The following ST3GAL3 variants were observed in gnomAD, a reference collection of about 807,000 sequenced individuals.
ST3GAL3 encodes the protein CMP-N-acetylneuraminate-beta-1,4-galactoside alpha-2,3-sialyltransferase.
Under a neutral mutation model 50.1 loss-of-function variants are expected in ST3GAL3, and 21 were observed. The observed-to-expected ratio is 0.42, with a 90% CI of 0.30 to 0.60. The LOEUF is 0.60. Ranked by LOEUF, ST3GAL3 falls within the 20% of genes least tolerant of loss-of-function variation. The pLI is 0.19. For missense variants in ST3GAL3, 353 were observed against 489.4 expected (o/e 0.72, Z 2.63); for synonymous variants, 183 against 190.0 (o/e 0.96, Z 0.30).
At chr1:43,770,913 C>T (rs989595711) in intron 2 of ST3GAL3, among the ~76,000 whole-genome samples, 2 of 152,190 alleles carry the variant, frequency 1.3e-5, no homozygotes, top group Non-Finnish European at 2.9e-5. Flanking sequence ...TCAGATAATC[C>T]AGAACGTCCT....
chr1:43,907,847 A>G (rs977357581), intron 9 of ST3GAL3, among the ~76,000 whole-genome samples: 2 of 151,570 alleles, frequency 1.3e-5, no homozygotes, highest in Non-Finnish European at 2.9e-5. Context: ...GCTTATGTTC[A>G]CCTCTCTTCT....
intron 9 of ST3GAL3, chr1:43,912,609 G>GC (rs564608755): frequency 1.4e-3 from 218 of 152,356 alleles, no homozygotes; most frequent in African/African-American, 4.9e-3. Flanking sequence ...TAAGGCAGTA[G>GC]CAGCAGGGAG....
intron 1 of ST3GAL3, among the ~76,000 whole-genome samples, chr1:43,734,814 A>AT (rs1227826277): frequency 4.6e-5 from 7 of 151,706 alleles, no homozygotes; most frequent in African/African-American, 1.7e-4. Flanking sequence ...TTTATACATC[A>AT]TTTTTTTCTC....
intron 5 of ST3GAL3, among the ~76,000 whole-genome samples, chr1:43,853,172 C>T (rs1338365347): frequency 1.3e-5 from 2 of 152,096 alleles, no homozygotes; most frequent in East Asian, 1.9e-4. Context: ...TAGGGCCACT[C>T]GGTATTGGGA....
At chr1:43,784,009 A>T (rs2056946585) in intron 2 of ST3GAL3, among the ~76,000 whole-genome samples, 1 of 152,026 alleles carries the variant, frequency 6.6e-6, no homozygotes. Flanking sequence ...ATGCATTTTT[A>T]CCTCCTGAAA....
chr1:43,771,268 A>G (rs1188940224), intron 2 of ST3GAL3, among the ~76,000 whole-genome samples: 1 of 152,258 alleles, frequency 6.6e-6, no homozygotes. Flanking sequence ...TGGCTGGCTT[A>G]GAAAACATGA....
intron 9 of ST3GAL3, chr1:43,911,339 G>A (rs202175157): frequency 1.2e-5 from 1 of 80,156 alleles, no homozygotes; most frequent in Non-Finnish European, 2.6e-5. Flanking sequence ...TTTTTTTTTT[G>A]TAGAGATGGG....
At chr1:43,868,337 A>G (rs934685595) in intron 5 of ST3GAL3, among the ~76,000 whole-genome samples, 31 of 152,192 alleles carry the variant, frequency 2.0e-4, no homozygotes, top group African/African-American at 7.2e-4. Context: ...ACAAATCACA[A>G]GAACTTCCCA....
intron 2 of ST3GAL3, among the ~76,000 whole-genome samples, chr1:43,749,132 C>T (rs1209731653): frequency 6.6e-6 from 1 of 152,038 alleles, no homozygotes; most frequent in African/African-American, 2.4e-5. Context: ...TACTCTGGTG[C>T]AATAACTAGA....
At position 43,729,998 on chromosome 1, in the gene ST3GAL3, T is replaced by C. The variant is rs776779053; in HGVS notation, c.-30-6235T>C. On this transcript the variant is annotated intron_variant, in intron 1 of 11. Transcript: ENST00000347631. ...ACTTCTAGAATGTGTCAGACTTTTG[T>C]CCTAGCGGCGAGTTTGAAATTACAT... 7.2e-5 allele frequency among the ~76,000 whole-genome samples: 11 copies of C among 152,244 alleles called. 1 individual carries two copies. Among genetic ancestry groups the C allele is most frequent in the Admixed American group, 7.2e-4 (11 of 15,280 alleles).
At chr1:43,873,160 C>T (rs943974527) in intron 5 of ST3GAL3, among the ~76,000 whole-genome samples, 7 of 152,078 alleles carry the variant, frequency 4.6e-5, no homozygotes, top group African/African-American at 7.2e-5. Flanking sequence ...CAAGGCAGTC[C>T]GATTGGGAGG....
At chr1:43,855,517 G>A (rs1350223416) in intron 5 of ST3GAL3, among the ~76,000 whole-genome samples, 2 of 152,046 alleles carry the variant, frequency 1.3e-5, no homozygotes, top group Admixed American at 6.5e-5. Context: ...GGCTGAGGCA[G>A]GAGAATCGCT....
intron 3 of ST3GAL3, among the ~76,000 whole-genome samples, chr1:43,812,128 T>C (rs2060632344): frequency 6.6e-6 from 1 of 152,212 alleles, no homozygotes; most frequent in Non-Finnish European, 1.5e-5. Context: ...GCATCTACTG[T>C]GAGCAGCCAC....
In ST3GAL3 at chr1:43,769,092, C is replaced by T. The variant is rs1041160228; in HGVS notation, c.119-23010C>T. Among the ~76,000 whole-genome samples, 6 of 151,922 alleles carry T rather than the reference C, an allele frequency of 3.9e-5. No homozygotes were observed. In the South Asian group the frequency reaches 6.2e-4, roughly 16 times the overall value. Reference sequence around the variant, plus strand: ...ATCCTAATATACATGGTTGATGTAACGTTAGAGAAATTCATCAGTGTAATT... The same window carrying T: ...ATCCTAATATACATGGTTGATGTAATGTTAGAGAAATTCATCAGTGTAATT... On this transcript the variant is annotated intron_variant, in intron 2 of 11. Coordinates refer to ENST00000347631, the MANE Select transcript of ST3GAL3 (RefSeq NM_006279.5).
At chr1:43,852,720 A>G (rs1031442759) in intron 5 of ST3GAL3, among the ~76,000 whole-genome samples, 5 of 152,212 alleles carry the variant, frequency 3.3e-5, no homozygotes, top group African/African-American at 1.2e-4. Flanking sequence ...GATAGATTGA[A>G]AGGAGATGAA....
chr1:43,770,636 C>T (rs1694792477), intron 2 of ST3GAL3, among the ~76,000 whole-genome samples: 1 of 151,982 alleles, frequency 6.6e-6, no homozygotes, highest in Admixed American at 6.6e-5. Context: ...CTCAAGCGTT[C>T]CTTCAGCCTC....
At chr1:43,887,675 A>G (rs141067037) in intron 5 of ST3GAL3, among the ~76,000 whole-genome samples, 2 of 152,178 alleles carry the variant, frequency 1.3e-5, no homozygotes, top group Non-Finnish European at 2.9e-5. Context: ...GGGTTTGCGT[A>G]GAATATGAGA....
chr1:43,786,668 C>T (rs796406572), intron 2 of ST3GAL3, among the ~76,000 whole-genome samples: 6 of 152,262 alleles, frequency 3.9e-5, no homozygotes, highest in African/African-American at 1.4e-4. Context: ...TGTTTTGTAT[C>T]TCCCTGACTA....
chr1:43,753,916 C>T (rs1439065526), intron 2 of ST3GAL3, among the ~76,000 whole-genome samples: 1 of 152,194 alleles, frequency 6.6e-6, no homozygotes, highest in African/African-American at 2.4e-5. Context: ...GATCCTGCTC[C>T]TGCCTTGGTC....
Sources: allele counts gnomAD v4.1 joint callset (sites outside exome capture counted in the v4.1 genomes callset), GRCh38; gene constraint gnomAD v4.1.1; transcripts MANE v1.5; gene names NCBI Gene and HGNC (gene_info 2026-07-23, HGNC 2026-07-21).